The following UGCG variants were observed in gnomAD, a reference collection of about 807,000 sequenced individuals.
UGCG encodes UDP-glucose ceramide glucosyltransferase, also known as ceramide glucosyltransferase.
A neutral mutation model predicts 49.5 loss-of-function variants in UGCG; 10 were observed. The observed-to-expected ratio is 0.20, with a 90% confidence interval of 0.12 to 0.34. The LOEUF is 0.34. Ranked by LOEUF, UGCG falls within the 10% of genes least tolerant of loss-of-function variation. The probability of loss-of-function intolerance (pLI) is 1.00; values close to 1 mark genes in which losing one functional copy is unlikely to be tolerated. For synonymous variants in UGCG, 182 were observed against 158.2 expected, an observed-to-expected ratio of 1.15 and a Z score of -1.13; for missense variants, 312 against 483.7, an observed-to-expected ratio of 0.65 and a Z score of 3.33.
chr9:111,914,749 A>G lies in UGCG; in HGVS notation c.240+3A>G, dbSNP rs868608954. The G allele has an allele frequency of 1.2e-6, 2 of 1,606,402 alleles. No homozygotes were observed. The highest frequency in any genetic ancestry group is 3.3e-4 in the Middle Eastern group (2 of 6,052). On this transcript the variant is annotated splice_donor_region_variant and intron_variant, in intron 2 of 8. Transcript: ENST00000374279. ...TCTTTGAATTGGATTATCCCAAAGTAAGTTCAGTGTTACGGTTTTTTGTTT... is the reference window on the plus strand; with the variant it reads ...TCTTTGAATTGGATTATCCCAAAGTGAGTTCAGTGTTACGGTTTTTTGTTT...
chr9:111,924,943 C>G, intron 4 of UGCG, 65 bp downstream of exon 4: 3 of 952,104 alleles, frequency 3.2e-6, no homozygotes, highest in Non-Finnish European at 2.9e-6. Context: ...TAAAAGCAAT[C>G]TCAGATACAT....
chr9:111,897,320 G>C lies in UGCG; in HGVS notation c.98+7G>C. On this transcript the variant is annotated splice_region_variant and intron_variant, in intron 1 of 8. Transcript: ENST00000374279. ...TCATGGCTATCATCTACACGTGAGT[G>C]AGGGACCGCAGGAGGGGCTCGGGGC... 3.2e-6 allele frequency: 5 copies of C among 1,551,692 alleles called. No individual in the cohort carries two copies. Among genetic ancestry groups the C allele is most frequent in the Non-Finnish European group, 4.4e-6 (5 of 1,148,210 alleles).
chr9:111,913,791 A>G (rs1412913777), intron 1 of UGCG, among the ~76,000 whole-genome samples: 3 of 152,068 alleles, frequency 2.0e-5, no homozygotes, highest in East Asian at 1.9e-4. Flanking sequence ...CATCCTTGCA[A>G]TGGACAAGCA....
chr9:111,908,284 G>A (rs774872035), intron 1 of UGCG, among the ~76,000 whole-genome samples: 4 of 152,120 alleles, frequency 2.6e-5, no homozygotes, highest in Non-Finnish European at 4.4e-5. Flanking sequence ...ATGTAACAAC[G>A]CGGATGATTC....
intron 1 of UGCG, among the ~76,000 whole-genome samples, chr9:111,906,708 G>A (rs970955893): frequency 6.6e-6 from 1 of 152,202 alleles, no homozygotes; most frequent in Non-Finnish European, 1.5e-5. Context: ...TGGGATTACA[G>A]GCATGAGCCA....
chr9:111,914,481 T>G (rs1564200806), intron 1 of UGCG, 124 bp from the exon 2 acceptor site: 3 of 990,352 alleles, frequency 3.0e-6, no homozygotes, highest in Non-Finnish European at 4.3e-6. Context: ...GATCCTCTTT[T>G]AGAAAGATGT....
rs143819619 is a variant in UGCG at position 111,932,746 on chromosome 9, G to A, written c.1015-81G>A. 6.0e-4 allele frequency: 804 copies of A among 1,331,944 alleles called. 4 individuals are homozygous for A. The highest frequency in any genetic ancestry group is 4.4e-3 in the African/African-American group (297 of 67,990). 82.5% of individuals were successfully genotyped at this position (1,331,944 alleles called of 1,614,324 possible). A position where few individuals can be genotyped will look rare whatever the true frequency, so the allele number is the denominator to read the frequency against. ...TTTTACATAGTATACTTAGAAAAGT[G>A]AAATCCAAGAATTTAATTTTTTAAC... On this transcript the variant is annotated intron_variant, in intron 8 of 8. Coordinates refer to ENST00000374279, the MANE Select transcript of UGCG (RefSeq NM_003358.3).
chr9:111,927,664 G>T (rs1000418560), intron 5 of UGCG, among the ~76,000 whole-genome samples: 1 of 152,034 alleles, frequency 6.6e-6, no homozygotes, highest in Non-Finnish European at 1.5e-5. Flanking sequence ...TGTTAGCCAG[G>T]ATGGTCTCGA....
intron 2 of UGCG, 181 bp from the exon 3 acceptor site, chr9:111,922,668 T>G: frequency 5.1e-6 from 2 of 391,338 alleles, no homozygotes; most frequent in Non-Finnish European, 9.1e-6. Flanking sequence ...AATTAGAAGC[T>G]TCACTCCATT....
Position 111,897,195 on chromosome 9 carries a change from G to T in UGCG, c.-21G>T. Reference sequence around the variant, plus strand: ...CGTGTTGGCGGCCGCAGCGGGCCGGGCCGGTCCGGCGGGCCGGGGGATGGC... The same window carrying T: ...CGTGTTGGCGGCCGCAGCGGGCCGGTCCGGTCCGGCGGGCCGGGGGATGGC... On this transcript the variant is annotated 5_prime_UTR_variant, in exon 1 of 9. Transcript: ENST00000374279. 1.3e-6 allele frequency: 2 copies of T among 1,539,604 alleles called. No homozygotes were observed. The highest frequency in any genetic ancestry group is 8.7e-7 in the Non-Finnish European group (1 of 1,144,856).
chr9:111,933,150 T>TTAA lies in UGCG; in HGVS notation c.*153_*154insTAA. 1.6e-6 allele frequency: 1 copy of TTAA among 614,756 alleles called. No individual in the cohort carries two copies. The highest frequency in any genetic ancestry group is 2.3e-6 in the Non-Finnish European group (1 of 439,044). The allele number at this position is 614,756 out of a possible 1,614,324, so 38.1% of individuals were successfully genotyped here. On this transcript the variant is annotated 3_prime_UTR_variant, in exon 9 of 9. Coordinates refer to ENST00000374279, the MANE Select transcript of UGCG (RefSeq NM_003358.3). The stretch of plus-strand genomic sequence containing the variant: ...TATTTTTGCATGGCACTTGCATCTG[T>TTAA]GAAAAAAAAAAAAAACACATCTGTA...
intron 1 of UGCG, among the ~76,000 whole-genome samples, chr9:111,913,345 CTT>C (rs2118534508): frequency 6.6e-6 from 1 of 152,322 alleles, no homozygotes; most frequent in East Asian, 1.9e-4. Context: ...GCTTCAGTGG[CTT>C]CCTTTAGAAA....
At chr9:111,930,994 AT>A (rs964626924) in intron 6 of UGCG, among the ~76,000 whole-genome samples, 1 of 151,648 alleles carries the variant, frequency 6.6e-6, no homozygotes, top group Non-Finnish European at 1.5e-5. Flanking sequence ...AGCCCTCTCC[AT>A]TTTTTTTCAA....
At position 111,922,958 on chromosome 9, in the gene UGCG, A is replaced by G; in HGVS notation, c.343+7A>G. On this transcript the variant is annotated splice_region_variant and intron_variant, in intron 3 of 8. Coordinates refer to ENST00000374279, the MANE Select transcript of UGCG (RefSeq NM_003358.3). ...GATGCTAGATTGTTTATAGGTAAGT[A>G]ACAAATTCTGTAGTAACCATTTTCC... 1.3e-6 allele frequency: 2 copies of G among 1,581,218 alleles called. No homozygotes were observed. Among genetic ancestry groups the G allele is most frequent in the Non-Finnish European group, 8.7e-7 (1 of 1,153,020 alleles).
chr9:111,918,743 A>G (rs1261103448), intron 2 of UGCG, among the ~76,000 whole-genome samples: 1 of 152,016 alleles, frequency 6.6e-6, no homozygotes, highest in African/African-American at 2.4e-5. Context: ...ACCACGGTGA[A>G]ACCCCGTCTC....
rs1265893696 is a variant in UGCG at position 111,933,163 on chromosome 9, A to C, written c.*166A>C. On this transcript the variant is annotated 3_prime_UTR_variant, in exon 9 of 9. Transcript: ENST00000374279. Reference sequence around the variant, plus strand: ...CACTTGCATCTGTGAAAAAAAAAAAAAACACATCTGTAGTCTTGGCCAAAT... The same window carrying C: ...CACTTGCATCTGTGAAAAAAAAAAACAACACATCTGTAGTCTTGGCCAAAT... 80 of 605,992 alleles carry C rather than the reference A, an allele frequency of 1.3e-4. No homozygotes were observed. The highest frequency in any genetic ancestry group is 3.6e-5 in the East Asian group (1 of 27,452). The allele number at this position is 605,992 out of a possible 1,614,324, so 37.5% of individuals were successfully genotyped here. A position where few individuals can be genotyped will look rare whatever the true frequency, so the allele number is the denominator to read the frequency against.
At chr9:111,910,004 T>A (rs1837966138) in intron 1 of UGCG, among the ~76,000 whole-genome samples, 2 of 152,188 alleles carry the variant, frequency 1.3e-5, no homozygotes, top group Non-Finnish European at 2.9e-5. Flanking sequence ...ACTTAACAAT[T>A]CTCTTTATCC....
intron 2 of UGCG, among the ~76,000 whole-genome samples, chr9:111,919,898 A>G (rs1564202660): frequency 6.6e-6 from 1 of 152,092 alleles, no homozygotes; most frequent in Non-Finnish European, 1.5e-5. Context: ...GCTCGTTGTT[A>G]CTTTTGCCGT....
chr9:111,905,031 C>T (rs78175588), intron 1 of UGCG, among the ~76,000 whole-genome samples: 20,963 of 152,126 alleles, frequency 0.14, 1,536 homozygotes, highest in South Asian at 0.17. Context: ...TGCACTCCAA[C>T]CTGGGTGACA....
Sources: allele counts gnomAD v4.1 joint callset (sites outside exome capture counted in the v4.1 genomes callset), GRCh38; gene constraint gnomAD v4.1.1; transcripts MANE v1.5; gene names NCBI Gene and HGNC (gene_info 2026-07-23, HGNC 2026-07-21).